Variants in TMEM106B observed in about 807,000 individuals in gnomAD.
TMEM106B encodes transmembrane protein 106B.
A neutral mutation model predicts 31.1 loss-of-function variants in TMEM106B; 15 were observed. That is an observed-to-expected ratio of 0.48 (90% CI 0.32 to 0.74). The LOEUF is 0.74. Among genes scored for constraint, TMEM106B ranks in the 30% least tolerant of loss-of-function variants. The probability of loss-of-function intolerance (pLI) is 0.03; values close to 1 mark genes in which losing one functional copy is unlikely to be tolerated. For synonymous variants in TMEM106B, 126 were observed against 112.5 expected (o/e 1.12, Z -0.76); for missense variants, 283 against 327.3 (o/e 0.86, Z 1.04).
At chr7:12,212,922 C>T (rs1354274375) in intron 1 of TMEM106B, among the ~76,000 whole-genome samples, 1 of 152,184 alleles carries the variant, frequency 6.6e-6, no homozygotes, top group Non-Finnish European at 1.5e-5. Context: ...CGCTAAAAGA[C>T]ATATCAAATT....
chr7:12,231,809 T>A, intron 7 of TMEM106B, 28 bp from the exon 8 acceptor site: 8 of 1,560,770 alleles, frequency 5.1e-6, no homozygotes, highest in Non-Finnish European at 6.1e-6. Context: ...AACTATTAAA[T>A]GTCTCTCCTC....
chr7:12,219,423 C>G (rs1020820862), intron 3 of TMEM106B, among the ~76,000 whole-genome samples: 1 of 152,176 alleles, frequency 6.6e-6, no homozygotes, highest in African/African-American at 2.4e-5. Context: ...TACAAAAGCT[C>G]TTTTCATTTA....
chr7:12,224,681 C>T (rs906415282), intron 4 of TMEM106B, among the ~76,000 whole-genome samples: 1 of 152,122 alleles, frequency 6.6e-6, no homozygotes, highest in African/African-American at 2.4e-5. Context: ...GCATATGACT[C>T]TGAATAACTT....
chr7:12,222,938 A>G lies in TMEM106B; in HGVS notation c.282-1288A>G, dbSNP rs551916076. Among the ~76,000 whole-genome samples the G allele has an allele frequency of 6.6e-5, 10 of 152,358 alleles. No individual in the cohort carries two copies. The South Asian group carries it at 1.9e-3, about 28-fold the overall frequency. ...ATCCATCAGAGCATTTAGAAAGGAA[A>G]TGGTGGCGGAGAGTGGAAGAAACAA... On this transcript the variant is annotated intron_variant, in intron 3 of 7. Coordinates refer to ENST00000396668, the MANE Select transcript of TMEM106B (RefSeq NM_001134232.2).
At position 12,242,069 on chromosome 7, in the gene TMEM106B, T is replaced by A. The variant is rs1782245171; in HGVS notation, c.*10094T>A. ...TTTTGAGAAGTGTAAGGTACTTAAT[T>A]CTTAAATTAAAAAAAAATACCCGGC... On this transcript the variant is annotated 3_prime_UTR_variant, in exon 8 of 8. Transcript: ENST00000396668. 1 of 145,358 alleles carries A rather than the reference T, an allele frequency of 6.9e-6. No homozygotes were observed. The highest frequency in any genetic ancestry group is 1.5e-5 in the Non-Finnish European group (1 of 67,174). 9.0% of individuals were successfully genotyped at this position (145,358 alleles called of 1,614,324 possible).
intron 1 of TMEM106B, among the ~76,000 whole-genome samples, chr7:12,213,748 CTAATCCAAAAGGTA>C (rs1294513843): frequency 6.6e-5 from 10 of 152,240 alleles, no homozygotes; most frequent in East Asian, 5.8e-4. Flanking sequence ...GGATATAATC[CTAATCCAAAAGGTA>C]TAATCCAAAA....
In TMEM106B at chr7:12,215,825, T is replaced by A. The variant is rs185961428; in HGVS notation, c.217+798T>A. ...GGATGGTACGTGAAAATGAGCCAAA[T>A]TGAAAAAAAAAAATTGTTTGTGATA... On this transcript the variant is annotated intron_variant, in intron 2 of 7. Coordinates refer to ENST00000396668, the MANE Select transcript of TMEM106B (RefSeq NM_001134232.2). 8.7e-5 allele frequency: 15 copies of A among 171,490 alleles called. No individual in the cohort carries two copies. In the East Asian group the frequency reaches 2.8e-3, roughly 32 times the overall value. 10.6% of individuals were successfully genotyped at this position (171,490 alleles called of 1,614,324 possible). A position where few individuals can be genotyped will look rare whatever the true frequency, so the allele number is the denominator to read the frequency against.
At chr7:12,211,738 G>A (rs1158466197) in intron 1 of TMEM106B, among the ~76,000 whole-genome samples, 1 of 152,216 alleles carries the variant, frequency 6.6e-6, no homozygotes, top group Non-Finnish European at 1.5e-5. Flanking sequence ...ATCTTATTTT[G>A]CAGCTTTACA....
At chr7:12,230,968 T>A (rs1782009903) in intron 6 of TMEM106B, 94 bp from the exon 7 acceptor site, 28 of 798,852 alleles carry the variant, frequency 3.5e-5, no homozygotes, top group Non-Finnish European at 5.2e-5. Flanking sequence ...TTATTATATT[T>A]CTTAGCATCT....
At chr7:12,215,771 C>A in intron 2 of TMEM106B, 1 of 181,608 alleles carries the variant, frequency 5.5e-6, no homozygotes, top group Non-Finnish European at 1.3e-5. Context: ...TGGCTGTGCC[C>A]TAATGAGTTA....
Position 12,214,524 on chromosome 7 carries a change from G to A in TMEM106B, c.-2-285G>A, listed in dbSNP as rs375976215. The A allele has an allele frequency of 2.2e-5, 7 of 325,004 alleles. No individual in the cohort carries two copies. The South Asian group carries it at 3.1e-4, about 14-fold the overall frequency. The allele number at this position is 325,004 out of a possible 1,614,324, so 20.1% of individuals were successfully genotyped here. ...TCCTGCTTTTCTGGGCTGAATTAAT[G>A]TATACCTTACATCTATTGATTTATG... On this transcript the variant is annotated intron_variant, in intron 1 of 7. Coordinates refer to ENST00000396668, the MANE Select transcript of TMEM106B (RefSeq NM_001134232.2).
chr7:12,215,109 C>A, intron 2 of TMEM106B, 82 bp downstream of exon 2: 2 of 1,214,452 alleles, frequency 1.6e-6, no homozygotes, highest in South Asian at 1.5e-5. Flanking sequence ...TCTCAGGAAC[C>A]ACCTGTTTTA....
In TMEM106B at chr7:12,233,763, T is replaced by A. The variant is rs1322703019; in HGVS notation, c.*1788T>A. Reference sequence around the variant, plus strand: ...TTCTCTGATACAGGTTCTGTTTGTATTTTTTATATCATTCTCATTTTCTCA... The same window carrying A: ...TTCTCTGATACAGGTTCTGTTTGTAATTTTTATATCATTCTCATTTTCTCA... On this transcript the variant is annotated 3_prime_UTR_variant, in exon 8 of 8. Transcript: ENST00000396668. 1.3e-5 allele frequency: 2 copies of A among 151,644 alleles called. No homozygotes were observed. The highest frequency in any genetic ancestry group is 2.4e-5 in the African/African-American group (1 of 41,392). 9.4% of individuals were successfully genotyped at this position (151,644 alleles called of 1,614,324 possible).
intron 2 of TMEM106B, among the ~76,000 whole-genome samples, chr7:12,217,208 G>T (rs1186441900): frequency 6.6e-6 from 1 of 152,118 alleles, no homozygotes; most frequent in Non-Finnish European, 1.5e-5. Flanking sequence ...TCTATAAAAG[G>T]TAAGTTATAA....
intron 4 of TMEM106B, among the ~76,000 whole-genome samples, chr7:12,228,890 A>T (rs937953732): frequency 6.6e-6 from 1 of 152,020 alleles, no homozygotes; most frequent in African/African-American, 2.4e-5. Flanking sequence ...ATTTTTGGCC[A>T]TTTAGCTTTG....
At chr7:12,215,687 G>T in intron 2 of TMEM106B, 1 of 316,382 alleles carries the variant, frequency 3.2e-6, no homozygotes, top group South Asian at 2.9e-5. Flanking sequence ...CAAAGTGTTA[G>T]AATTACAGCT....
At chr7:12,218,192 C>T (rs558567371) in intron 2 of TMEM106B, among the ~76,000 whole-genome samples, 24 of 150,338 alleles carry the variant, frequency 1.6e-4, no homozygotes, top group Non-Finnish European at 3.0e-4. Context: ...AAAGCTAGGA[C>T]TTAGATTTTT....
rs1039193621 is a variant in TMEM106B at position 12,218,481 on chromosome 7, T to C, written c.241T>C (p.Leu81=). 1 of 1,612,904 alleles carries C rather than the reference T, an allele frequency of 6.2e-7. No individual in the cohort carries two copies. Among genetic ancestry groups the C allele is most frequent in the African/African-American group, 1.3e-5 (1 of 74,856 alleles). Residue 81 remains leucine (L), a synonymous_variant, in exon 3 of 8, where the codon TTG becomes CTG. Transcript: ENST00000396668. The part of the protein sequence containing the change: ...PRGQENQLVA[L]IPYSDQRLRP... ...AGGGCAAGAAAACCAACTGGTGGCATTGATTCCATATAGTGATCAGAGATT... is the reference window on the plus strand; with the variant it reads ...AGGGCAAGAAAACCAACTGGTGGCACTGATTCCATATAGTGATCAGAGATT...
rs150586332 is a variant in TMEM106B, at chr7:12,241,121, C to A, written c.*9146C>A. ...CTTAAAAATGATATATTGGAAACCACTGATTTCTTATTTTCATTTCATGAA... is the reference window on the plus strand; with the variant it reads ...CTTAAAAATGATATATTGGAAACCAATGATTTCTTATTTTCATTTCATGAA... On this transcript the variant is annotated 3_prime_UTR_variant, in exon 8 of 8. Transcript: ENST00000396668. 2 of 152,116 alleles carry A rather than the reference C, an allele frequency of 1.3e-5. No homozygotes were observed. The highest frequency in any genetic ancestry group is 4.8e-5 in the African/African-American group (2 of 41,402). 9.4% of individuals were successfully genotyped at this position (152,116 alleles called of 1,614,324 possible).
Sources: allele counts gnomAD v4.1 joint callset (sites outside exome capture counted in the v4.1 genomes callset), GRCh38; gene constraint gnomAD v4.1.1; transcripts MANE v1.5; gene names NCBI Gene and HGNC (gene_info 2026-07-23, HGNC 2026-07-21).